Variants in TET2 observed in about 807,000 individuals in gnomAD.
TET2 encodes the protein tet methylcytosine dioxygenase 2, also known as methylcytosine dioxygenase TET2.
Under a neutral mutation model 142.9 loss-of-function variants are expected in TET2, and 299 were observed. The ratio of observed to expected loss-of-function variants is 2.09; its 90% CI spans 1.90 to 2.30. TET2 has a LOEUF of 2.30. Among genes scored for constraint, TET2 ranks in the 30% most tolerant of loss-of-function variants. The pLI, the probability that TET2 is intolerant of heterozygous loss-of-function variation, is 0.00. For synonymous variants in TET2, 819 were observed against 849.0 expected, an observed-to-expected ratio of 0.96 and a Z score of 0.61; for missense variants, 2,418 against 2,378.0, an observed-to-expected ratio of 1.02 and a Z score of -0.35.
At chr4:105,147,217 T>C (rs535318805) in intron 1 of TET2, among the ~76,000 whole-genome samples, 3 of 152,370 alleles carry the variant, frequency 2.0e-5, no homozygotes, top group South Asian at 2.1e-4. Context: ...CTAATGCTCG[T>C]CCCCTCATCT....
chr4:105,218,117 A>C, intron 2 of TET2, among the ~76,000 whole-genome samples: 1 of 152,074 alleles, frequency 6.6e-6, no homozygotes, highest in Non-Finnish European at 1.5e-5. Flanking sequence ...ATTTATGTCC[A>C]CTGTCCAGGG....
chr4:105,176,596 C>T (rs1055517397), intron 1 of TET2, among the ~76,000 whole-genome samples: 1 of 152,048 alleles, frequency 6.6e-6, no homozygotes, highest in Non-Finnish European at 1.5e-5. Context: ...TGTACATGAT[C>T]TATATGAAGA....
intron 6 of TET2, among the ~76,000 whole-genome samples, chr4:105,259,338 G>A (rs1300622541): frequency 6.6e-6 from 1 of 152,164 alleles, no homozygotes; most frequent in African/African-American, 2.4e-5. Context: ...AATTCCAGGG[G>A]ATAGTAAATA....
chr4:105,176,119 A>G (rs1396994502), intron 1 of TET2, among the ~76,000 whole-genome samples: 1 of 152,192 alleles, frequency 6.6e-6, no homozygotes, highest in African/African-American at 2.4e-5. Flanking sequence ...CATAAGGAAA[A>G]TAAAATTAGG....
intron 2 of TET2, among the ~76,000 whole-genome samples, chr4:105,220,164 A>G (rs1187174194): frequency 6.6e-6 from 1 of 152,164 alleles, no homozygotes; most frequent in Non-Finnish European, 1.5e-5. Context: ...AATGATTATG[A>G]GCCCTCCTAG....
chr4:105,231,522 G>A (rs1291606622), intron 2 of TET2, among the ~76,000 whole-genome samples: 4 of 151,984 alleles, frequency 2.6e-5, no homozygotes, highest in Admixed American at 1.3e-4. Context: ...TTTTTCTTCA[G>A]CTACTTTGCT....
At position 105,237,250 on chromosome 4, in the gene TET2, A is replaced by G. The variant is rs1430909192; in HGVS notation, c.3308A>G (p.Asn1103Ser). 1.2e-6 allele frequency: 2 copies of G among 1,613,994 alleles called. No homozygotes were observed. The highest frequency in any genetic ancestry group is 1.7e-6 in the Non-Finnish European group (2 of 1,179,990). The change falls in exon 3 of 11, where the codon AAT becomes AGT. Residue 1103 changes from asparagine (N) to serine (S), a missense_variant. Asn to Ser is a conservative substitution (Grantham distance 46). Coordinates refer to ENST00000380013, the MANE Select transcript of TET2 (RefSeq NM_001127208.3). ...TKRTAASVLN[N>S]FIESPSKLLD... ...AGAACAGCTGCTTCTGTTCTCAATAATTTTATAGAGTCACCTTCCAAATTA... is the reference window on the plus strand; with the variant it reads ...AGAACAGCTGCTTCTGTTCTCAATAGTTTTATAGAGTCACCTTCCAAATTA...
intron 2 of TET2, among the ~76,000 whole-genome samples, chr4:105,225,059 TAAAA>T (rs1728100452): frequency 6.6e-6 from 1 of 152,080 alleles, no homozygotes; most frequent in Non-Finnish European, 1.5e-5. Context: ...TTTTTAGACT[TAAAA>T]AAATACCAAA....
intron 1 of TET2, among the ~76,000 whole-genome samples, chr4:105,180,191 G>A (rs1429655454): frequency 6.6e-6 from 1 of 152,116 alleles, no homozygotes; most frequent in Non-Finnish European, 1.5e-5. Flanking sequence ...ATTTCTCATG[G>A]CCTATGAACC....
At chr4:105,243,862 G>C (rs1480650870) in intron 6 of TET2, 84 bp downstream of exon 6, 1 of 1,271,600 alleles carries the variant, frequency 7.9e-7, no homozygotes, top group Non-Finnish European at 1.1e-6. Flanking sequence ...AGAGTTCAGC[G>C]TGCACTTTTA....
At chr4:105,181,176 C>T (rs751601057) in intron 1 of TET2, among the ~76,000 whole-genome samples, 3 of 151,998 alleles carry the variant, frequency 2.0e-5, no homozygotes, top group South Asian at 4.2e-4. Flanking sequence ...TTCTCAGCTA[C>T]GATCTATATA....
At chr4:105,175,162 G>T (rs796599417) in intron 1 of TET2, among the ~76,000 whole-genome samples, 24 of 152,210 alleles carry the variant, frequency 1.6e-4, no homozygotes, top group African/African-American at 5.5e-4. Context: ...AGTATATCAT[G>T]TCTGTCATTC....
chr4:105,261,968 G>A (rs757682129), intron 8 of TET2, 120 bp downstream of exon 8: 19 of 660,728 alleles, frequency 2.9e-5, no homozygotes, highest in Non-Finnish European at 4.4e-5. Flanking sequence ...CCTCTTAATT[G>A]TTGAAACCAC....
chr4:105,205,245 G>GT (rs1228106495), intron 2 of TET2, among the ~76,000 whole-genome samples: 1 of 152,082 alleles, frequency 6.6e-6, no homozygotes, highest in Admixed American at 6.6e-5. Context: ...GCAGTATTCT[G>GT]TTTTTTACTT....
At chr4:105,226,099 T>TA (rs146417021) in intron 2 of TET2, among the ~76,000 whole-genome samples, 41 of 151,250 alleles carry the variant, frequency 2.7e-4, no homozygotes, top group East Asian at 1.4e-3. Flanking sequence ...TCCTAAACCT[T>TA]AAAAAAAAAG....
intron 2 of TET2, among the ~76,000 whole-genome samples, chr4:105,218,134 C>T (rs1578640096): frequency 6.6e-6 from 1 of 152,026 alleles, no homozygotes; most frequent in Non-Finnish European, 1.5e-5. Flanking sequence ...AGGGTACTTG[C>T]TTTAAGGGCA....
At chr4:105,202,249 A>G (rs1038512574) in intron 2 of TET2, 5 of 151,778 alleles carry the variant, frequency 3.3e-5, no homozygotes, top group African/African-American at 1.2e-4. Flanking sequence ...GCTTACAAAA[A>G]CTGTGGATAA....
chr4:105,167,537 AC>A (rs1431433128), intron 1 of TET2, among the ~76,000 whole-genome samples: 1 of 152,152 alleles, frequency 6.6e-6, no homozygotes, highest in Non-Finnish European at 1.5e-5. Flanking sequence ...GTTTCACTGT[AC>A]TTTATTTGCT....
At chr4:105,217,806 G>T (rs1488236015) in intron 2 of TET2, among the ~76,000 whole-genome samples, 1 of 151,938 alleles carries the variant, frequency 6.6e-6, no homozygotes, top group Admixed American at 6.6e-5. Context: ...AATGGTGTTG[G>T]TGTACATGTG....
Sources: gnomAD v4.1 joint callset for allele counts (sites outside exome capture counted in the v4.1 genomes callset) on GRCh38, gnomAD v4.1.1 for gene constraint, MANE v1.5 for transcripts, NCBI Gene and HGNC (gene_info 2026-07-23, HGNC 2026-07-21) for gene names.